The following CAPN1 variants were observed in gnomAD, a reference collection of about 807,000 sequenced individuals.
CAPN1 encodes calpain-1 catalytic subunit.
Under a neutral mutation model 105.2 loss-of-function variants are expected in CAPN1, and 77 were observed. That is an observed-to-expected ratio of 0.73 (90% CI 0.61 to 0.88). The LOEUF (loss-of-function observed/expected upper bound fraction) is 0.88. Among genes scored for constraint, CAPN1 ranks in the 40% least tolerant of loss-of-function variants. CAPN1 has a pLI of 0.00. For missense variants in CAPN1, 833 were observed against 976.6 expected (o/e 0.85, Z 1.96); for synonymous variants, 355 against 388.8 (o/e 0.91, Z 1.02).
At position 65,182,909 on chromosome 11, in the gene CAPN1, T is replaced by A. The variant is rs754549070; in HGVS notation, c.208T>A (p.Tyr70Asn). The change falls in exon 2 of 22, where the codon TAC (tyrosine) becomes AAC (asparagine). Residue 70 changes from tyrosine (Y) to asparagine (N), a missense_variant. By Grantham distance (143) the Tyr-to-Asn change is moderately radical. Coordinates refer to ENST00000279247, the MANE Select transcript of CAPN1 (RefSeq NM_005186.4). ...AFPPVPQSLG[Y>N]KDLGPNSSKT... ...CCCCCCGGTACCCCAGAGCCTGGGT[T>A]ACAAGGACCTGGGTCCCAATTCCTC... is the stretch of plus-strand genomic sequence containing the variant. 1.2e-6 allele frequency: 2 copies of A among 1,610,726 alleles called. No homozygotes were observed. Among genetic ancestry groups the A allele is most frequent in the South Asian group, 2.2e-5 (2 of 90,466 alleles).
Position 65,187,074 on chromosome 11 carries a change from G to T in CAPN1, c.760-141G>T, listed in dbSNP as rs1590850344. The T allele has an allele frequency of 9.2e-6, 6 of 652,370 alleles. No homozygotes were observed. In the East Asian group the frequency reaches 1.6e-4, roughly 18 times the overall value. 40.4% of individuals were successfully genotyped at this position (652,370 alleles called of 1,614,324 possible). On this transcript the variant is annotated intron_variant, in intron 6 of 21. Coordinates refer to ENST00000279247, the MANE Select transcript of CAPN1 (RefSeq NM_005186.4). ...CATCTATATGTGGGGGTGTCTATAG[G>T]TGGGATCGGGGTCCCTGCTTGCTTC...
Position 65,210,004 on chromosome 11 carries a change from T to C in CAPN1, c.1864-14T>C. 1.2e-6 allele frequency: 2 copies of C among 1,613,228 alleles called. No individual in the cohort carries two copies. The highest frequency in any genetic ancestry group is 1.7e-6 in the Non-Finnish European group (2 of 1,179,830). On this transcript the variant is annotated splice_polypyrimidine_tract_variant and intron_variant, in intron 18 of 21. Transcript: ENST00000279247. The surrounding 1 kb of genome is among the most constrained non-coding windows in gnomAD (Gnocchi z 4.3). Reference sequence around the variant, plus strand: ...GTGACTCAGCCTGGCCCTCACCCTCTGCCGCCACCTCAGTCCATCTTCCGG... The same window carrying C: ...GTGACTCAGCCTGGCCCTCACCCTCCGCCGCCACCTCAGTCCATCTTCCGG...
intron 10 of CAPN1, among the ~76,000 whole-genome samples, chr11:65,202,974 G>C (rs1433776998): frequency 3.9e-5 from 6 of 152,074 alleles, no homozygotes; most frequent in African/African-American, 1.4e-4. Flanking sequence ...ATGTGAACAG[G>C]ATCATATAAT....
At chr11:65,182,991 G>C (rs1032519066) in intron 2 of CAPN1, 23 bp downstream of exon 2, 1 of 1,612,748 alleles carries the variant, frequency 6.2e-7, no homozygotes, top group Admixed American at 1.7e-5. Context: ...ATCCTGGGTG[G>C]GACTCGGCTA....
At chr11:65,203,171 T>C (rs1289547810) in intron 10 of CAPN1, among the ~76,000 whole-genome samples, 1 of 150,244 alleles carries the variant, frequency 6.7e-6, no homozygotes, top group East Asian at 1.9e-4. Context: ...TCAGCTGTTA[T>C]AAATAATGCA....
At position 65,211,407 on chromosome 11, in the gene CAPN1, C is replaced by G; in HGVS notation, c.*121C>G. The G allele has an allele frequency of 1.1e-6, 1 of 873,238 alleles. No homozygotes were observed. Among genetic ancestry groups the G allele is most frequent in the Non-Finnish European group, 1.9e-6 (1 of 539,382 alleles). The allele number at this position is 873,238 out of a possible 1,614,324, so 54.1% of individuals were successfully genotyped here. On this transcript the variant is annotated 3_prime_UTR_variant, in exon 22 of 22. Transcript: ENST00000279247. ...TGCCTTCCTTGGAGCAGAGAGGCAG[C>G]CTCGTCCTCCTGTCCCCTCTCCTCC...
Position 65,209,439 on chromosome 11 carries a change from C to T in CAPN1, c.1794+52C>T, listed in dbSNP as rs552452864. 54 of 1,476,618 alleles carry T rather than the reference C, an allele frequency of 3.7e-5. No individual in the cohort carries two copies. Among genetic ancestry groups the T allele is most frequent in the African/African-American group, 1.2e-4 (9 of 72,322 alleles). The allele number at this position is 1,476,618 out of a possible 1,614,324, so 91.5% of individuals were successfully genotyped here. A position where few individuals can be genotyped will look rare whatever the true frequency, so the allele number is the denominator to read the frequency against. ...TGAGTGGGGTTTTGGGTGGAGGTAT[C>T]GGTGCTGGGAGAACTGTCCCAGGAC... On this transcript the variant is annotated intron_variant, in intron 17 of 21. Coordinates refer to ENST00000279247, the MANE Select transcript of CAPN1 (RefSeq NM_005186.4). The surrounding 1 kb of genome is among the most constrained non-coding windows in gnomAD (Gnocchi z 4.1).
At position 65,187,296 on chromosome 11, in the gene CAPN1, C is replaced by G; in HGVS notation, c.841C>G (p.Gln281Glu). 6.2e-7 allele frequency: 1 copy of G among 1,610,254 alleles called. No individual in the cohort carries two copies. The highest frequency in any genetic ancestry group is 8.5e-7 in the Non-Finnish European group (1 of 1,177,482). The change falls in exon 7 of 22, where the codon CAG (glutamine) becomes GAG (glutamate). Residue 281 changes from glutamine (Q) to glutamate (E), a missense_variant and splice_region_variant. Coordinates refer to ENST00000279247, the MANE Select transcript of CAPN1 (RefSeq NM_005186.4). ...TGCCTACTCTGTGACCGGGGCCAAG[C>G]AGGTACTGCCCTGGGTGGGGCCTTC... ...GHAYSVTGAK[Q>E]VNYRGQVVSL...
At chr11:65,198,868 T>A (rs1948828482) in intron 10 of CAPN1, among the ~76,000 whole-genome samples, 1 of 152,192 alleles carries the variant, frequency 6.6e-6, no homozygotes. Flanking sequence ...GGAGTCGCGC[T>A]CTGTCGCCCA....
intron 10 of CAPN1, among the ~76,000 whole-genome samples, chr11:65,197,833 A>G (rs1366444694): frequency 7.0e-6 from 1 of 142,756 alleles, no homozygotes; most frequent in Non-Finnish European, 1.5e-5. Context: ...GGTTGCAGTG[A>G]GCCAAGATTG....
Position 65,186,204 on chromosome 11 carries a change from A to T in CAPN1, c.625A>T (p.Ser209Cys), listed in dbSNP as rs1029669932. 6.2e-7 allele frequency: 1 copy of T among 1,613,582 alleles called. No homozygotes were observed. The highest frequency in any genetic ancestry group is 1.3e-5 in the African/African-American group (1 of 74,892). The stretch of plus-strand genomic sequence containing the variant: ...CAGCTACGAGGCCCTGTCAGGGGGC[A>T]GCACCTCAGAGGGCTTTGAGGACTT... ...NGSYEALSGG[S>C]TSEGFEDFTG... The change falls in exon 6 of 22, where the codon AGC becomes TGC. Residue 209 changes from serine (S) to cysteine (C), a missense_variant. Ser to Cys is a moderately radical substitution (Grantham distance 112). Transcript: ENST00000279247.
In CAPN1 at chr11:65,210,455, G is replaced by T. The variant is rs760563891; in HGVS notation, c.2059+3G>T. 1 of 1,589,284 alleles carries T rather than the reference G, an allele frequency of 6.3e-7. No homozygotes were observed. The highest frequency in any genetic ancestry group is 8.6e-7 in the Non-Finnish European group (1 of 1,159,542). ...GGTGCGGCTAGAGACCATGTTCCGT[G>T]AGTGTCCCCAACTGCCTCCCACCCT... On this transcript the variant is annotated splice_donor_region_variant and intron_variant, in intron 20 of 21. Coordinates refer to ENST00000279247, the MANE Select transcript of CAPN1 (RefSeq NM_005186.4). This position sits in a 1 kb window ranked among gnomAD's most constrained non-coding sequence, Gnocchi z 4.3.
At position 65,208,005 on chromosome 11, in the gene CAPN1, C is replaced by T. The variant is rs374557747; in HGVS notation, c.1606-50C>T. On this transcript the variant is annotated intron_variant, in intron 14 of 21. Coordinates refer to ENST00000279247, the MANE Select transcript of CAPN1 (RefSeq NM_005186.4). The surrounding 1 kb of genome is among the most constrained non-coding windows in gnomAD (Gnocchi z 4.1). ...AGCCCTCCCTCCAGCTGCCTCCACACGGGCAGGGCCGGGGCCTCTCTTACC... is the reference window on the plus strand; with the variant it reads ...AGCCCTCCCTCCAGCTGCCTCCACATGGGCAGGGCCGGGGCCTCTCTTACC... The T allele has an allele frequency of 3.7e-5, 54 of 1,459,480 alleles. No homozygotes were observed. The highest frequency in any genetic ancestry group is 8.4e-5 in the African/African-American group (6 of 71,356). 90.4% of individuals were successfully genotyped at this position (1,459,480 alleles called of 1,614,324 possible).
At chr11:65,192,080 A>T (rs1948726805) in intron 10 of CAPN1, among the ~76,000 whole-genome samples, 1 of 152,176 alleles carries the variant, frequency 6.6e-6, no homozygotes, top group Non-Finnish European at 1.5e-5. Context: ...CAAAAAATTT[A>T]AAAAATTAGC....
Position 65,209,821 on chromosome 11 carries a change from T to A in CAPN1, c.1795-28T>A, listed in dbSNP as rs2137400078. On this transcript the variant is annotated intron_variant, in intron 17 of 21. Transcript: ENST00000279247. This position sits in a 1 kb window ranked among gnomAD's most constrained non-coding sequence, Gnocchi z 4.1. ...ACTCTCCCATGACTGGTCTAAGTGA[T>A]GGAATTTCCTTCTTAACGGCCACCC... 1 of 1,611,318 alleles carries A rather than the reference T, an allele frequency of 6.2e-7. No homozygotes were observed. The highest frequency in any genetic ancestry group is 1.1e-5 in the South Asian group (1 of 90,776).
At position 65,188,009 on chromosome 11, in the gene CAPN1, G is replaced by A; in HGVS notation, c.898G>A (p.Glu300Lys). Residue 300 changes from glutamate to lysine, a missense_variant, in exon 8 of 22, where the codon GAG becomes AAG. Coordinates refer to ENST00000279247, the MANE Select transcript of CAPN1 (RefSeq NM_005186.4). The surrounding 1 kb of genome is among the most constrained non-coding windows in gnomAD (Gnocchi z 5.5). ...SLIRMRNPWG[E>K]VEWTGAWSDS... ...GATCCGGATGCGGAACCCCTGGGGCGAGGTGGAGTGGACGGGAGCCTGGAG... is the reference window on the plus strand; with the variant it reads ...GATCCGGATGCGGAACCCCTGGGGCAAGGTGGAGTGGACGGGAGCCTGGAG... The A allele has an allele frequency of 6.4e-6, 10 of 1,561,566 alleles. No individual in the cohort carries two copies. Among genetic ancestry groups the A allele is most frequent in the Non-Finnish European group, 8.7e-6 (10 of 1,152,948 alleles).
Position 65,188,855 on chromosome 11 carries a change from T to G in CAPN1, c.1165+109T>G. On this transcript the variant is annotated intron_variant, in intron 10 of 21. Transcript: ENST00000279247. This position sits in a 1 kb window ranked among gnomAD's most constrained non-coding sequence, Gnocchi z 5.5. The stretch of plus-strand genomic sequence containing the variant: ...CTCACTTGCAAGATATAGGCTGATC[T>G]CTTGAATTTGCTTTGAGGAGTAAAA... The G allele has an allele frequency of 1.1e-6, 1 of 921,382 alleles. No individual in the cohort carries two copies. The highest frequency in any genetic ancestry group is 2.7e-5 in the Admixed American group (1 of 36,638). The allele number at this position is 921,382 out of a possible 1,614,324, so 57.1% of individuals were successfully genotyped here.
At chr11:65,183,905 G>C (rs1220047660) in intron 4 of CAPN1, among the ~76,000 whole-genome samples, 1 of 152,194 alleles carries the variant, frequency 6.6e-6, no homozygotes, top group Non-Finnish European at 1.5e-5. Context: ...CCCCATCTGA[G>C]AAAGGAGTGT....
intron 10 of CAPN1, among the ~76,000 whole-genome samples, chr11:65,196,187 T>G (rs1166998172): frequency 6.6e-6 from 1 of 152,006 alleles, no homozygotes; most frequent in Non-Finnish European, 1.5e-5. Flanking sequence ...GTTTTATTGA[T>G]TTTTCTTTAT....
Sources: allele counts gnomAD v4.1 joint callset (sites outside exome capture counted in the v4.1 genomes callset), GRCh38; gene constraint gnomAD v4.1.1; non-coding constraint Gnocchi (gnomAD v3.1); transcripts MANE v1.5; gene names NCBI Gene and HGNC (gene_info 2026-07-23, HGNC 2026-07-21).